Variants in C11orf65 observed in about 807,000 individuals in gnomAD.
The protein encoded by C11orf65 is chromosome 11 open reading frame 65.
A neutral mutation model predicts 35.3 loss-of-function variants in C11orf65; 38 were observed. The ratio of observed to expected loss-of-function variants is 1.08; its 90% CI spans 0.83 to 1.41. The LOEUF (loss-of-function observed/expected upper bound fraction) is 1.41. Ranked by LOEUF, C11orf65 falls within the 40% of genes most tolerant of loss-of-function variation. C11orf65 has a pLI of 0.00. For synonymous variants in C11orf65, 105 were observed against 114.4 expected, an observed-to-expected ratio of 0.92 and a Z score of 0.53; for missense variants, 370 against 367.1, an observed-to-expected ratio of 1.01 and a Z score of -0.06.
In C11orf65 at chr11:108,434,671, T is replaced by C. The variant is rs2093037942; in HGVS notation, c.82-2833A>G. Among the ~76,000 whole-genome samples, 8 of 152,110 alleles carry C rather than the reference T, an allele frequency of 5.3e-5. No homozygotes were observed. In the South Asian group the frequency reaches 1.7e-3, roughly 32 times the overall value. ...TCCTTGGGGGAACTACCTAGCTTCC[T>C]TGAGACAAAAATTGATTATTTGGAA... On this transcript the variant is annotated intron_variant, in intron 2 of 8. Transcript: ENST00000393084.
chr11:108,438,291 C>T (rs779072930), intron 2 of C11orf65, among the ~76,000 whole-genome samples: 1 of 152,140 alleles, frequency 6.6e-6, no homozygotes, highest in Non-Finnish European at 1.5e-5. Flanking sequence ...GTGGCTCACG[C>T]CTATAATTTC....
chr11:108,315,782 T>G, intron 6 of C11orf65: 2 of 1,533,304 alleles, frequency 1.3e-6, no homozygotes, highest in Non-Finnish European at 1.8e-6. Context: ...ATAGACCGAT[T>G]TTTTTTCCTT....
At chr11:108,467,843 G>A (rs2093557532), upstream of C11orf65, among the ~76,000 whole-genome samples, 1 of 152,054 alleles carries the variant, frequency 6.6e-6, no homozygotes, top group South Asian at 2.1e-4. Context: ...AATTTTTCTT[G>A]AGATAGGGTC....
At chr11:108,372,343 A>C (rs1478846274) in intron 2 of C11orf65, among the ~76,000 whole-genome samples, 1 of 152,054 alleles carries the variant, frequency 6.6e-6, no homozygotes, top group Non-Finnish European at 1.5e-5. Flanking sequence ...ACAGGTGCCC[A>C]CCACCATGTC....
At chr11:108,345,934 T>C (rs1463574629) in intron 2 of C11orf65, 11 of 1,612,222 alleles carry the variant, frequency 6.8e-6, no homozygotes, top group Non-Finnish European at 8.5e-6. Flanking sequence ...ATATAGTAGA[T>C]TGAGCACTTT....
intron 2 of C11orf65, among the ~76,000 whole-genome samples, chr11:108,364,710 C>T (rs1279855457): frequency 6.6e-6 from 1 of 152,126 alleles, no homozygotes; most frequent in Non-Finnish European, 1.5e-5. Flanking sequence ...CAATCTATAC[C>T]TTGAGACAGC....
chr11:108,426,163 G>GA (rs924432044), intron 3 of C11orf65, among the ~76,000 whole-genome samples: 26 of 152,034 alleles, frequency 1.7e-4, no homozygotes, highest in African/African-American at 6.0e-4. Context: ...TCAGGCAAGA[G>GA]AAAAAAATAA....
Position 108,335,664 on chromosome 11 carries a change from G to T in C11orf65, c.227-372C>A, listed in dbSNP as rs190669598. 4.7e-4 allele frequency among the ~76,000 whole-genome samples: 72 copies of T among 152,268 alleles called. 1 individual carries two copies. The highest frequency in any genetic ancestry group is 8.5e-4 in the Non-Finnish European group (58 of 68,014). ...GCGAGGGGAAACTTTCTAAATCAGTGTAAATGTTGTAGCTTATTCTAAATG... is the reference window on the plus strand; with the variant it reads ...GCGAGGGGAAACTTTCTAAATCAGTTTAAATGTTGTAGCTTATTCTAAATG... On this transcript the variant is annotated intron_variant, in intron 2 of 3. Transcript: ENST00000524755.
downstream of C11orf65, among the ~76,000 whole-genome samples, chr11:108,381,064 T>C (rs1458994439): frequency 6.6e-6 from 1 of 152,214 alleles, no homozygotes; most frequent in African/African-American, 2.4e-5. Flanking sequence ...AACCTAAGGT[T>C]CTAGCTTAAG....
At chr11:108,433,789 A>C (rs1182083456) in intron 2 of C11orf65, among the ~76,000 whole-genome samples, 1 of 151,824 alleles carries the variant, frequency 6.6e-6, no homozygotes, top group Non-Finnish European at 1.5e-5. Flanking sequence ...TTCTATATAC[A>C]TTACAGCTTC....
chr11:108,430,190 G>A (rs557287956), intron 3 of C11orf65, among the ~76,000 whole-genome samples: 117 of 144,252 alleles, frequency 8.1e-4, no homozygotes, highest in African/African-American at 1.6e-3. Context: ...GTGCAGTGGT[G>A]TGATCTCTGC....
downstream of C11orf65, chr11:108,327,799 T>C (rs2085834695): frequency 7.2e-7 from 1 of 1,380,158 alleles, no homozygotes; most frequent in East Asian, 2.3e-5. Flanking sequence ...TTACTTAGCA[T>C]GAATATGCTT....
At chr11:108,434,303 G>C (rs560651164) in intron 2 of C11orf65, among the ~76,000 whole-genome samples, 2 of 151,984 alleles carry the variant, frequency 1.3e-5, no homozygotes, top group Non-Finnish European at 2.9e-5. Context: ...TCAGGGGTTC[G>C]AGATCAGCCT....
Position 108,431,850 on chromosome 11 carries a change from A to G in C11orf65, c.82-12T>C, listed in dbSNP as rs754419305. On this transcript the variant is annotated splice_polypyrimidine_tract_variant and intron_variant, in intron 2 of 8. Transcript: ENST00000393084. The stretch of plus-strand genomic sequence containing the variant: ...AATATAGCGACATTCTAAAGGTTCA[A>G]ACACAAGATTTCATGATCAAAACTG... The G allele has an allele frequency of 6.2e-5, 88 of 1,425,426 alleles. No individual in the cohort carries two copies. Among genetic ancestry groups the G allele is most frequent in the Non-Finnish European group, 8.3e-5 (87 of 1,052,162 alleles). 88.3% of individuals were successfully genotyped at this position (1,425,426 alleles called of 1,614,324 possible).
intron 2 of C11orf65, among the ~76,000 whole-genome samples, chr11:108,373,324 T>G (rs2091622884): frequency 6.6e-6 from 1 of 152,038 alleles, no homozygotes; most frequent in Non-Finnish European, 1.5e-5. Flanking sequence ...CTCATCAAAC[T>G]AGGAATAAAA....
chr11:108,440,990 G>A (rs1222178412), intron 2 of C11orf65, among the ~76,000 whole-genome samples: 1 of 152,164 alleles, frequency 6.6e-6, no homozygotes, highest in Non-Finnish European at 1.5e-5. Flanking sequence ...AGTGGGTGCA[G>A]CCCAAGGAGC....
intron 2 of C11orf65, among the ~76,000 whole-genome samples, chr11:108,443,179 G>A (rs2093187506): frequency 6.6e-6 from 1 of 151,114 alleles, no homozygotes; most frequent in Admixed American, 6.6e-5. Context: ...TACAATCCTA[G>A]CCTCTGATAA....
intron 2 of C11orf65, among the ~76,000 whole-genome samples, chr11:108,456,976 T>C (rs939302805): frequency 1.3e-5 from 2 of 152,148 alleles, no homozygotes; most frequent in Non-Finnish European, 2.9e-5. Context: ...CTCCAGAGAA[T>C]ACTTATAACG....
downstream of C11orf65, among the ~76,000 whole-genome samples, chr11:108,329,608 G>T (rs2136435409): frequency 6.6e-6 from 1 of 152,092 alleles, no homozygotes; most frequent in East Asian, 1.9e-4. Flanking sequence ...ATGGGGTTTT[G>T]CCATGTTGCC....
Sources: allele counts gnomAD v4.1 joint callset (sites outside exome capture counted in the v4.1 genomes callset), GRCh38; gene constraint gnomAD v4.1.1; transcripts MANE v1.5; gene names NCBI Gene and HGNC (gene_info 2026-07-23, HGNC 2026-07-21).